PLEKHA8: variants seen among roughly 807,000 people sequenced by gnomAD.
PLEKHA8 encodes pleckstrin homology domain-containing family A member 8.
PLEKHA8 carries 36 observed loss-of-function variants against 68.2 expected under a neutral mutation model. The ratio of observed to expected loss-of-function variants is 0.53; its 90% CI spans 0.40 to 0.70. The LOEUF (loss-of-function observed/expected upper bound fraction) is 0.70, where lower values mean the gene tolerates loss of function less well. Among genes scored for constraint, PLEKHA8 ranks in the 30% least tolerant of loss-of-function variants. PLEKHA8 has a pLI of 0.00. For missense variants in PLEKHA8, 505 were observed against 615.4 expected, an observed-to-expected ratio of 0.82 and a Z score of 1.90; for synonymous variants, 211 against 216.1, an observed-to-expected ratio of 0.98 and a Z score of 0.20.
chr7:30,084,405 C>T lies in PLEKHA8; in HGVS notation c.*5618C>T. The stretch of plus-strand genomic sequence containing the variant: ...AAGGCAAGTTAAACTATAAAAGTGT[C>T]AAGTGGCTTGTTAACTTCTTAATTT... On this transcript the variant is annotated 3_prime_UTR_variant, in exon 14 of 14. Coordinates refer to ENST00000449726, the MANE Select transcript of PLEKHA8 (RefSeq NM_001197026.2). The T allele has an allele frequency of 1.0e-6, 1 of 985,350 alleles. No homozygotes were observed. The highest frequency in any genetic ancestry group is 1.2e-6 in the Non-Finnish European group (1 of 829,914). The allele number at this position is 985,350 out of a possible 1,614,324, so 61.0% of individuals were successfully genotyped here. A position where few individuals can be genotyped will look rare whatever the true frequency, so the allele number is the denominator to read the frequency against.
In PLEKHA8 at chr7:30,079,582, T is replaced by G; in HGVS notation, c.*795T>G. On this transcript the variant is annotated 3_prime_UTR_variant, in exon 14 of 14. Coordinates refer to ENST00000449726, the MANE Select transcript of PLEKHA8 (RefSeq NM_001197026.2). ...AAGTAATGATACCCAGAGGGATTATTACTCCACTTCAAAAGCAAGGTTTAG... is the reference window on the plus strand; with the variant it reads ...AAGTAATGATACCCAGAGGGATTATGACTCCACTTCAAAAGCAAGGTTTAG... 1 of 859,200 alleles carries G rather than the reference T, an allele frequency of 1.2e-6. No individual in the cohort carries two copies. The highest frequency in any genetic ancestry group is 1.4e-6 in the Non-Finnish European group (1 of 715,118). 53.2% of individuals were successfully genotyped at this position (859,200 alleles called of 1,614,324 possible).
chr7:30,109,091 A>G (rs1419399092), intron 13 of PLEKHA8, among the ~76,000 whole-genome samples: 1 of 152,202 alleles, frequency 6.6e-6, no homozygotes, highest in Non-Finnish European at 1.5e-5. Context: ...GGTAGTTTAT[A>G]TACCGTTAGT....
intron 13 of PLEKHA8, among the ~76,000 whole-genome samples, chr7:30,109,413 C>G (rs1443273427): frequency 6.6e-6 from 1 of 151,506 alleles, no homozygotes; most frequent in East Asian, 1.9e-4. Context: ...ATGGTGAAAC[C>G]CTCTTTCTAC....
intron 12 of PLEKHA8, among the ~76,000 whole-genome samples, chr7:30,071,504 C>T (rs1562530328): frequency 2.0e-5 from 3 of 152,208 alleles, no homozygotes; most frequent in Non-Finnish European, 4.4e-5. Flanking sequence ...CTTACTGTTC[C>T]TGTAGCACTG....
At position 30,089,883 on chromosome 7, in the gene PLEKHA8, A is replaced by G. The variant is rs187546115; in HGVS notation, c.1301-270A>G. Among the ~76,000 whole-genome samples the G allele has an allele frequency of 1.6e-4, 24 of 152,330 alleles. 1 individual carries two copies. The East Asian group carries it at 2.9e-3, about 18-fold the overall frequency. ...CTAAAATAATATAGAACAAATAAAT[A>G]TATTCGAAATAGCAAAAAACATGGT... On this transcript the variant is annotated intron_variant, in intron 12 of 12. Transcript: ENST00000258679.
intron 12 of PLEKHA8, among the ~76,000 whole-genome samples, chr7:30,066,948 A>G (rs546096830): frequency 1.2e-3 from 180 of 152,366 alleles, no homozygotes; most frequent in African/African-American, 3.9e-3. Flanking sequence ...ACATCAAATC[A>G]TAAGTTGGCC....
chr7:30,115,857 TAC>T (rs1562558097), intron 13 of PLEKHA8: 1 of 148,798 alleles, frequency 6.7e-6, no homozygotes, highest in Non-Finnish European at 1.5e-5. Context: ...TATGCATACA[TAC>T]GTGCACATAC....
At position 30,055,544 on chromosome 7, in the gene PLEKHA8, A is replaced by G. The variant is rs112454757; in HGVS notation, c.1039+202A>G. On this transcript the variant is annotated intron_variant, in intron 9 of 13. Transcript: ENST00000449726. ...CCATTTCATTTCTAATAATGATTAAATATTGACCTCAAAATAATGTAATTT... is the reference window on the plus strand; with the variant it reads ...CCATTTCATTTCTAATAATGATTAAGTATTGACCTCAAAATAATGTAATTT... Among the ~76,000 whole-genome samples the G allele has an allele frequency of 1.7e-3, 260 of 152,374 alleles. 3 individuals carry two copies. The highest frequency in any genetic ancestry group is 6.0e-3 in the African/African-American group (249 of 41,582).
Position 30,124,882 on chromosome 7 carries a change from A to G in PLEKHA8, c.1363-4384A>G, listed in dbSNP as rs187668542. ...TAATCAAGCATTCAAATATGTTCTG[A>G]TAAGTTTTTTTTTTAAATTTTTGTT... On this transcript the variant is annotated intron_variant, in intron 13 of 13. Coordinates refer to the PLEKHA8 transcript ENST00000396257. 9.5e-4 allele frequency among the ~76,000 whole-genome samples: 145 copies of G among 152,112 alleles called. 1 individual carries two copies. The highest frequency in any genetic ancestry group is 3.3e-3 in the African/African-American group (139 of 41,540).
At chr7:30,035,903 C>T (rs2127960755) in intron 1 of PLEKHA8, among the ~76,000 whole-genome samples, 2 of 152,164 alleles carry the variant, frequency 1.3e-5, no homozygotes, top group South Asian at 4.2e-4. Flanking sequence ...TTCTTGGCCT[C>T]CCAAAGTGTT....
At position 30,079,086 on chromosome 7, in the gene PLEKHA8, A is replaced by G; in HGVS notation, c.*299A>G. On this transcript the variant is annotated 3_prime_UTR_variant, in exon 14 of 14. Coordinates refer to ENST00000449726, the MANE Select transcript of PLEKHA8 (RefSeq NM_001197026.2). Reference sequence around the variant, plus strand: ...ACAAACAAATTTGCTGTTATTGTGTATTGTATTGTTTTTATATTTTAGTCT... The same window carrying G: ...ACAAACAAATTTGCTGTTATTGTGTGTTGTATTGTTTTTATATTTTAGTCT... 2 of 1,118,126 alleles carry G rather than the reference A, an allele frequency of 1.8e-6. No individual in the cohort carries two copies. The highest frequency in any genetic ancestry group is 5.5e-5 in the East Asian group (1 of 18,088). 69.3% of individuals were successfully genotyped at this position (1,118,126 alleles called of 1,614,324 possible). A position where few individuals can be genotyped will look rare whatever the true frequency, so the allele number is the denominator to read the frequency against.
At chr7:30,117,848 A>G in intron 13 of PLEKHA8, 1 of 557,846 alleles carries the variant, frequency 1.8e-6, no homozygotes, top group Non-Finnish European at 2.9e-6. Context: ...CCAACAAGAT[A>G]TTAGAAACAG....
At chr7:30,116,827 A>G (rs1201979805) in intron 13 of PLEKHA8, among the ~76,000 whole-genome samples, 3 of 152,218 alleles carry the variant, frequency 2.0e-5, no homozygotes, top group African/African-American at 7.2e-5. Flanking sequence ...CACAGTTGCT[A>G]GAGATGGGCT....
intron 13 of PLEKHA8, among the ~76,000 whole-genome samples, chr7:30,120,491 G>A (rs1796679862): frequency 6.6e-6 from 1 of 152,234 alleles, no homozygotes; most frequent in South Asian, 2.1e-4. Context: ...TGATTGGCCA[G>A]AACTCTGCGA....
chr7:30,058,926 A>T (rs1793213331), intron 9 of PLEKHA8, among the ~76,000 whole-genome samples: 1 of 152,228 alleles, frequency 6.6e-6, no homozygotes, highest in Non-Finnish European at 1.5e-5. Flanking sequence ...CAGGAGTTTG[A>T]TCCTGGCCTA....
intron 13 of PLEKHA8, among the ~76,000 whole-genome samples, chr7:30,075,840 C>T (rs887709502): frequency 2.6e-5 from 4 of 152,122 alleles, no homozygotes; most frequent in African/African-American, 9.6e-5. Flanking sequence ...ATCTTTTTTT[C>T]CTTTACCCTG....
rs1794813737 is a variant in PLEKHA8 at position 30,079,462 on chromosome 7, A to G, written c.*675A>G. 2.0e-6 allele frequency: 2 copies of G among 985,286 alleles called. No homozygotes were observed. The highest frequency in any genetic ancestry group is 1.2e-6 in the Non-Finnish European group (1 of 829,920). 61.0% of individuals were successfully genotyped at this position (985,286 alleles called of 1,614,324 possible). A position where few individuals can be genotyped will look rare whatever the true frequency, so the allele number is the denominator to read the frequency against. On this transcript the variant is annotated 3_prime_UTR_variant, in exon 14 of 14. Coordinates refer to ENST00000449726, the MANE Select transcript of PLEKHA8 (RefSeq NM_001197026.2). ...CTAGCCCCAAGTTGGAGGGGAGAAT[A>G]TGAGAGAGGTGGGACAGGTCATTTG...
chr7:30,047,520 G>T (rs912155928), intron 3 of PLEKHA8, among the ~76,000 whole-genome samples: 2 of 152,184 alleles, frequency 1.3e-5, no homozygotes, highest in Non-Finnish European at 2.9e-5. Flanking sequence ...GAACCCCTTA[G>T]CTCTGCTCCC....
intron 13 of PLEKHA8, among the ~76,000 whole-genome samples, chr7:30,107,233 G>A (rs1177266693): frequency 6.6e-6 from 1 of 151,698 alleles, no homozygotes; most frequent in Non-Finnish European, 1.5e-5. Flanking sequence ...AAAATACAAG[G>A]TACCTAGGAA....
Sources: gnomAD v4.1 joint callset for allele counts (sites outside exome capture counted in the v4.1 genomes callset) on GRCh38, gnomAD v4.1.1 for gene constraint, MANE v1.5 for transcripts, NCBI Gene and HGNC (gene_info 2026-07-23, HGNC 2026-07-21) for gene names.